Variants in TENM3 observed in about 807,000 individuals in gnomAD.
TENM3 encodes the protein teneurin transmembrane protein 3.
In TENM3, 63 loss-of-function variants were observed where a neutral mutation model predicts 255.1. The observed-to-expected ratio is 0.25, with a 90% CI of 0.20 to 0.30. The LOEUF (loss-of-function observed/expected upper bound fraction) is 0.30, where lower values mean the gene tolerates loss of function less well. Among genes scored for constraint, TENM3 ranks in the 10% least tolerant of loss-of-function variants. The pLI is 1.00. For missense variants in TENM3, 2,929 were observed against 3,461.1 expected (o/e 0.85, Z 3.86); for synonymous variants, 1,306 against 1,322.3 (o/e 0.99, Z 0.27).
the TENM3 span, among the ~76,000 whole-genome samples, chr4:182,017,725 G>A: frequency 6.4e-4 from 97 of 152,264 alleles, no homozygotes; most frequent in African/African-American, 2.2e-3. Context: ...CCTTGTGAAG[G>A]GAGTGATAAA....
the TENM3 span, among the ~76,000 whole-genome samples, chr4:181,519,119 A>G: frequency 6.6e-6 from 1 of 152,212 alleles, no homozygotes; most frequent in African/African-American, 2.4e-5. Context: ...TTTAGACTGG[A>G]AATCTGCAGC....
At chr4:181,929,944 A>G in the TENM3 span, among the ~76,000 whole-genome samples, 2 of 152,242 alleles carry the variant, frequency 1.3e-5, no homozygotes, top group African/African-American at 4.8e-5. Flanking sequence ...AAATAACAAA[A>G]TTAAGGCAGA....
chr4:182,301,123 G>A (rs1042379630), intron 1 of TENM3, among the ~76,000 whole-genome samples: 1 of 152,146 alleles, frequency 6.6e-6, no homozygotes, highest in Non-Finnish European at 1.5e-5. Flanking sequence ...GTATATACAT[G>A]TTTCCTTTCA....
chr4:182,040,396 T>C, the TENM3 span, among the ~76,000 whole-genome samples: 1 of 152,154 alleles, frequency 6.6e-6, no homozygotes, highest in East Asian at 1.9e-4. Context: ...CTCTTTCCCA[T>C]ATCTTCTGTG....
At chr4:182,347,814 T>A (rs540589996) in intron 3 of TENM3, among the ~76,000 whole-genome samples, 1 of 152,200 alleles carries the variant, frequency 6.6e-6, no homozygotes, top group African/African-American at 2.4e-5. Context: ...GTGCACTTGC[T>A]ATTTCAGTCT....
chr4:182,336,185 A>G (rs969900369), intron 2 of TENM3, among the ~76,000 whole-genome samples: 2 of 152,208 alleles, frequency 1.3e-5, no homozygotes, highest in Non-Finnish European at 2.9e-5. Flanking sequence ...CCAGTTCTTC[A>G]TTCAGACACA....
chr4:181,504,912 C>A, the TENM3 span, among the ~76,000 whole-genome samples: 1 of 152,310 alleles, frequency 6.6e-6, no homozygotes, highest in African/African-American at 2.4e-5. Context: ...TTACTTAGCC[C>A]TGCTAGCCTG....
chr4:181,604,485 TCTTA>T, the TENM3 span, among the ~76,000 whole-genome samples: 64 of 152,216 alleles, frequency 4.2e-4, no homozygotes, highest in African/African-American at 1.4e-3. Flanking sequence ...TCCCCCACCC[TCTTA>T]CTTAAGACAC....
intron 5 of TENM3, among the ~76,000 whole-genome samples, chr4:182,629,281 T>A: frequency 6.6e-6 from 1 of 152,154 alleles, no homozygotes; most frequent in East Asian, 1.9e-4. Flanking sequence ...TGTGATATTG[T>A]AAGTCTCTCA....
At chr4:181,654,591 C>T in the TENM3 span, among the ~76,000 whole-genome samples, 12 of 151,516 alleles carry the variant, frequency 7.9e-5, no homozygotes, top group African/African-American at 2.9e-4. Context: ...CCGTCTCTAC[C>T]AAAAATACAA....
the TENM3 span, among the ~76,000 whole-genome samples, chr4:181,868,123 A>G: frequency 6.6e-6 from 1 of 152,088 alleles, no homozygotes; most frequent in Admixed American, 6.6e-5. Flanking sequence ...AAATGTGAGA[A>G]CCATAAGTGC....
intron 3 of TENM3, among the ~76,000 whole-genome samples, chr4:182,367,236 A>C (rs2150827875): frequency 6.6e-6 from 1 of 152,314 alleles, no homozygotes; most frequent in African/African-American, 2.4e-5. Context: ...AAGTAGTGGA[A>C]GCAACAAGGG....
At chr4:181,807,211 A>C in the TENM3 span, among the ~76,000 whole-genome samples, 39 of 152,370 alleles carry the variant, frequency 2.6e-4, no homozygotes, top group Non-Finnish European at 4.4e-4. Context: ...GAGAGAGCAC[A>C]ACTTCTTCAC....
chr4:182,402,175 T>G (rs1769254240), intron 3 of TENM3, among the ~76,000 whole-genome samples: 1 of 152,218 alleles, frequency 6.6e-6, no homozygotes, highest in Admixed American at 6.5e-5. Context: ...CTTTCTGAAT[T>G]CAATACCTGC....
chr4:181,972,268 A>G, the TENM3 span, among the ~76,000 whole-genome samples: 1 of 151,692 alleles, frequency 6.6e-6, no homozygotes, highest in Non-Finnish European at 1.5e-5. Context: ...CAAATATAAA[A>G]ATTAGCCAGG....
chr4:182,562,157 C>T (rs1002124396), intron 3 of TENM3, among the ~76,000 whole-genome samples: 1 of 152,098 alleles, frequency 6.6e-6, no homozygotes, highest in African/African-American at 2.4e-5. Flanking sequence ...ATTGTCTAGG[C>T]AACCTTAGGC....
the TENM3 span, among the ~76,000 whole-genome samples, chr4:181,564,211 A>G: frequency 6.6e-6 from 1 of 151,792 alleles, no homozygotes; most frequent in East Asian, 1.9e-4. Context: ...GTTTTAGTAG[A>G]GATGAGGTTC....
chr4:181,770,605 G>A, the TENM3 span, among the ~76,000 whole-genome samples: 1 of 150,392 alleles, frequency 6.6e-6, no homozygotes, highest in African/African-American at 2.4e-5. Flanking sequence ...AACCTGGGAG[G>A]TGGAGCTTTC....
At chr4:181,765,626 A>G in the TENM3 span, among the ~76,000 whole-genome samples, 1 of 152,224 alleles carries the variant, frequency 6.6e-6, no homozygotes, top group African/African-American at 2.4e-5. Flanking sequence ...TTCAAGTCAA[A>G]TCATCATAAT....
Sources: allele counts gnomAD v4.1 joint callset (sites outside exome capture counted in the v4.1 genomes callset), GRCh38; gene constraint gnomAD v4.1.1; transcripts MANE v1.5; gene names NCBI Gene and HGNC (gene_info 2026-07-23, HGNC 2026-07-21).